The following LGR5 variants were observed in gnomAD, a reference collection of about 807,000 sequenced individuals.
The protein encoded by LGR5 is leucine rich repeat containing G protein-coupled receptor 5, also known as leucine-rich repeat-containing G protein-coupled receptor 5.
Under a neutral mutation model 76.7 loss-of-function variants are expected in LGR5, and 54 were observed. The observed-to-expected ratio is 0.70, with a 90% CI of 0.57 to 0.88. LGR5 has a LOEUF of 0.88. LGR5 is among the 40% of genes least tolerant of loss of function. The pLI, the probability that LGR5 is intolerant of heterozygous loss-of-function variation, is 0.00. For missense variants in LGR5, 1,078 were observed against 1,073.3 expected (o/e 1.00, Z -0.06); for synonymous variants, 406 against 421.9 (o/e 0.96, Z 0.46).
chr12:71,455,713 A>C (rs1386613400), intron 1 of LGR5, among the ~76,000 whole-genome samples: 40 of 152,278 alleles, frequency 2.6e-4, no homozygotes, highest in Admixed American at 2.6e-3. Context: ...TAACTTCATA[A>C]ACTTACTTTA....
intron 1 of LGR5, among the ~76,000 whole-genome samples, chr12:71,488,107 C>A (rs1457431906): frequency 6.6e-6 from 1 of 152,116 alleles, no homozygotes; most frequent in Non-Finnish European, 1.5e-5. Context: ...ATATAGGCAG[C>A]AATTGCTTTG....
intron 3 of LGR5, among the ~76,000 whole-genome samples, chr12:71,524,794 A>G (rs1875906244): frequency 6.6e-6 from 1 of 152,172 alleles, no homozygotes; most frequent in African/African-American, 2.4e-5. Flanking sequence ...GTGTCTTCAA[A>G]AGCATTTTGA....
At chr12:71,443,706 GTGTC>G (rs1440365956) in intron 1 of LGR5, among the ~76,000 whole-genome samples, 3 of 152,108 alleles carry the variant, frequency 2.0e-5, no homozygotes, top group East Asian at 3.8e-4. Flanking sequence ...CTACTTTGAT[GTGTC>G]TGTCTAGTTA....
intron 2 of LGR5, among the ~76,000 whole-genome samples, chr12:71,523,957 AT>A: frequency 6.6e-6 from 1 of 152,218 alleles, no homozygotes; most frequent in East Asian, 1.9e-4. Flanking sequence ...TATTTGACAA[AT>A]TTAGTAAGAA....
chr12:71,560,878 A>C (rs1878024055), intron 7 of LGR5, among the ~76,000 whole-genome samples: 3 of 152,230 alleles, frequency 2.0e-5, no homozygotes, highest in Admixed American at 1.3e-4. Context: ...ATGTTCAATG[A>C]ATCTTATTTA....
At chr12:71,496,803 TATA>T (rs1439561461) in intron 1 of LGR5, among the ~76,000 whole-genome samples, 2 of 152,004 alleles carry the variant, frequency 1.3e-5, no homozygotes, top group Non-Finnish European at 2.9e-5. Flanking sequence ...ATCTAACAAA[TATA>T]ATGAGTGAAG....
chr12:71,545,367 C>T (rs1325891025), intron 4 of LGR5, among the ~76,000 whole-genome samples: 2 of 152,104 alleles, frequency 1.3e-5, no homozygotes, highest in Non-Finnish European at 2.9e-5. Flanking sequence ...ATGGAAGAAT[C>T]ACTTGAACCC....
At chr12:71,449,750 T>G (rs1171717170) in intron 1 of LGR5, among the ~76,000 whole-genome samples, 1 of 152,240 alleles carries the variant, frequency 6.6e-6, no homozygotes, top group African/African-American at 2.4e-5. Context: ...AGATTTATGT[T>G]AATTATAATA....
intron 5 of LGR5, 118 bp downstream of exon 5, chr12:71,553,406 C>T: frequency 1.3e-6 from 1 of 764,830 alleles, no homozygotes. Context: ...GGAAAACCTC[C>T]TGAGCCCCTC....
rs1491509673 is a variant in LGR5, at chr12:71,564,776, TGC to T, written c.858-1627_858-1626del. ...TACATATATACATATATGTACACAC[TGC>T]ATATATACATATATACATATATGTA... On this transcript the variant is annotated intron_variant, in intron 8 of 17. Transcript: ENST00000266674. Among the ~76,000 whole-genome samples the T allele has an allele frequency of 6.9e-4, 87 of 126,210 alleles. 6 individuals are homozygous for T. The highest frequency in any genetic ancestry group is 4.5e-3 in the Middle Eastern group (1 of 224). The allele number at this position is 126,210 out of a possible 152,430, so 82.8% of individuals were successfully genotyped here. A position where few individuals can be genotyped will look rare whatever the true frequency, so the allele number is the denominator to read the frequency against.
At position 71,531,763 on chromosome 12, in the gene LGR5, G is replaced by T. The variant is rs557117163; in HGVS notation, c.357-3352G>T. 2.6e-5 allele frequency among the ~76,000 whole-genome samples: 4 copies of T among 152,246 alleles called. No homozygotes were observed. In the Middle Eastern group the frequency reaches 0.01, roughly 388 times the overall value. On this transcript the variant is annotated intron_variant, in intron 3 of 17. Coordinates refer to ENST00000266674, the MANE Select transcript of LGR5 (RefSeq NM_003667.4). ...CACGCCTCTAATCCCAGCTACTCAG[G>T]AGACTGAGGCAGGAGAATCGCTTGA...
chr12:71,483,999 G>GA (rs1873722624), intron 1 of LGR5, among the ~76,000 whole-genome samples: 1 of 152,134 alleles, frequency 6.6e-6, no homozygotes, highest in Admixed American at 6.5e-5. Context: ...CTGGTTTGGA[G>GA]AAAAAAGAGA....
intron 4 of LGR5, among the ~76,000 whole-genome samples, chr12:71,536,977 A>T (rs1189993703): frequency 6.6e-6 from 1 of 152,200 alleles, no homozygotes; most frequent in African/African-American, 2.4e-5. Flanking sequence ...CACTGACCAC[A>T]TCCAAACTAA....
At chr12:71,570,132 A>C (rs1419303140) in intron 11 of LGR5, among the ~76,000 whole-genome samples, 1 of 152,090 alleles carries the variant, frequency 6.6e-6, no homozygotes, top group Non-Finnish European at 1.5e-5. Context: ...ACAGGGAGAG[A>C]AACCACACTT....
intron 13 of LGR5, among the ~76,000 whole-genome samples, chr12:71,576,019 A>C (rs542219977): frequency 6.6e-6 from 1 of 152,270 alleles, no homozygotes; most frequent in East Asian, 1.9e-4. Context: ...GTTCTCACTT[A>C]TAAGTGGGAG....
chr12:71,507,766 T>C (rs972969804), intron 2 of LGR5, among the ~76,000 whole-genome samples: 1 of 152,130 alleles, frequency 6.6e-6, no homozygotes, highest in Non-Finnish European at 1.5e-5. Flanking sequence ...TGTGTGTTTG[T>C]GTGTGTGTTA....
At chr12:71,476,921 T>C (rs1873360401) in intron 1 of LGR5, among the ~76,000 whole-genome samples, 1 of 151,970 alleles carries the variant, frequency 6.6e-6, no homozygotes, top group South Asian at 2.1e-4. Context: ...TTAAGAAAAA[T>C]ATAGCCGATT....
intron 1 of LGR5, among the ~76,000 whole-genome samples, chr12:71,462,470 G>T (rs1004659708): frequency 1.3e-5 from 2 of 151,956 alleles, no homozygotes; most frequent in Non-Finnish European, 2.9e-5. Flanking sequence ...CAGGAAAATT[G>T]GACTGGGATC....
Position 71,577,922 on chromosome 12 carries a change from T to C in LGR5, c.1209-3T>C. The C allele has an allele frequency of 1.2e-6, 2 of 1,607,556 alleles. No homozygotes were observed. The highest frequency in any genetic ancestry group is 1.7e-6 in the Non-Finnish European group (2 of 1,174,196). ...TTCTCTCATTTGCCTTTTTTTACAA[T>C]AGGAATTTGGCTTGGAACAAAATTG... On this transcript the variant is annotated splice_region_variant and splice_polypyrimidine_tract_variant and intron_variant, in intron 13 of 17. Coordinates refer to ENST00000266674, the MANE Select transcript of LGR5 (RefSeq NM_003667.4).
Sources: gnomAD v4.1 joint callset for allele counts (sites outside exome capture counted in the v4.1 genomes callset) on GRCh38, gnomAD v4.1.1 for gene constraint, MANE v1.5 for transcripts, NCBI Gene and HGNC (gene_info 2026-07-23, HGNC 2026-07-21) for gene names.